AXIN2: variants seen among roughly 807,000 people sequenced by gnomAD.
AXIN2 encodes the protein axin 2.
In AXIN2, 21 loss-of-function variants were observed where a neutral mutation model predicts 74.7. The observed-to-expected ratio is 0.28, with a 90% CI of 0.20 to 0.40. The LOEUF (loss-of-function observed/expected upper bound fraction) is 0.40. AXIN2 is among the 10% of genes least tolerant of loss of function. The probability of loss-of-function intolerance (pLI) is 1.00; values close to 1 mark genes in which losing one functional copy is unlikely to be tolerated. For synonymous variants in AXIN2, 532 were observed against 454.9 expected, an observed-to-expected ratio of 1.17 and a Z score of -2.16; for missense variants, 1,144 against 1,111.1, an observed-to-expected ratio of 1.03 and a Z score of -0.42.
chr17:65,537,130 G>A (rs2144453259), intron 6 of AXIN2, 67 bp from the exon 7 acceptor site: 4 of 1,571,636 alleles, frequency 2.5e-6, no homozygotes, highest in Non-Finnish European at 3.4e-6. Flanking sequence ...CCTAGAATCA[G>A]ACAATTCAGC....
chr17:65,557,025 G>C (rs1473877355), intron 2 of AXIN2, among the ~76,000 whole-genome samples: 1 of 152,150 alleles, frequency 6.6e-6, no homozygotes, highest in South Asian at 2.1e-4. Flanking sequence ...ATTCTGCAAA[G>C]AACTATTTGT....
At chr17:65,540,942 C>T (rs1311485495) in intron 4 of AXIN2, among the ~76,000 whole-genome samples, 6 of 152,222 alleles carry the variant, frequency 3.9e-5, no homozygotes, top group South Asian at 2.1e-4. Context: ...AGTGCACTGG[C>T]GTTAGCTCAC....
Position 65,534,053 on chromosome 17 carries a change from C to A in AXIN2, c.2264G>T (p.Gly755Val), listed in dbSNP as rs981540341. ...EDHKEPKKLAGVHALQASELV... is the reference protein window; with the variant it reads ...EDHKEPKKLAVVHALQASELV... ...CTCACTGGCCTGGAGCGCGTGGACACCTGCCAGTTTCTTTGGCTCTTTGTG... is the reference window on the plus strand; with the variant it reads ...CTCACTGGCCTGGAGCGCGTGGACAACTGCCAGTTTCTTTGGCTCTTTGTG... The change falls in exon 10 of 11, where the codon GGT becomes GTT. Residue 755 changes from glycine to valine, a missense_variant. By Grantham distance (109) the Gly-to-Val change is moderately radical. This residue lies in a region of AXIN2 where 1,053 missense variants were observed against 973.5 expected (regional missense o/e 1.08). Transcript: ENST00000307078. The A allele has an allele frequency of 5.6e-6, 9 of 1,614,250 alleles. No homozygotes were observed. In the East Asian group the frequency reaches 2.0e-4, roughly 36 times the overall value.
At chr17:65,561,087 CCCCCG>C (rs1458115816) in intron 1 of AXIN2, 1 of 149,506 alleles carries the variant, frequency 6.7e-6, no homozygotes, top group African/African-American at 2.4e-5. Context: ...CGGGCCTCCG[CCCCCG>C]CCCGGCCCGG....
In AXIN2 at chr17:65,536,382, C is replaced by T. The variant is rs551098654; in HGVS notation, c.2079G>A (p.Thr693=). The T allele has an allele frequency of 4.3e-6, 7 of 1,613,602 alleles. No individual in the cohort carries two copies. Among genetic ancestry groups the T allele is most frequent in the South Asian group, 3.3e-5 (3 of 91,074 alleles). ...GACAGGCCTCCTCCAGCTGAGCCAGCGTGTTGGGTGGGGTCAGGGGAGGCA... is the reference window on the plus strand; with the variant it reads ...GACAGGCCTCCTCCAGCTGAGCCAGTGTGTTGGGTGGGGTCAGGGGAGGCA... ...PAMPPLTPPN[T]LAQLEEACRR... is the part of the protein sequence containing the mutation. Residue 693 remains threonine (T), a synonymous_variant, in exon 8 of 11, where the codon ACG becomes ACA. Transcript: ENST00000307078.
At chr17:65,546,221 G>A (rs28691649) in intron 3 of AXIN2, among the ~76,000 whole-genome samples, 1,938 of 152,242 alleles carry the variant, frequency 0.013, 48 homozygotes, top group African/African-American at 0.044. Flanking sequence ...AAAGGGGCCT[G>A]CTACCCTCTT....
At chr17:65,531,690 C>A (rs1188241995) in intron 10 of AXIN2, among the ~76,000 whole-genome samples, 1 of 152,080 alleles carries the variant, frequency 6.6e-6, no homozygotes, top group East Asian at 1.9e-4. Context: ...CTCAGCCCCA[C>A]CCCCAGGACT....
intron 2 of AXIN2, among the ~76,000 whole-genome samples, chr17:65,552,434 G>A (rs1316658681): frequency 6.6e-6 from 1 of 152,216 alleles, no homozygotes; most frequent in African/African-American, 2.4e-5. Context: ...GAAGCAGGAT[G>A]CACACGATGA....
chr17:65,533,666 G>A (rs2043859960), intron 10 of AXIN2, among the ~76,000 whole-genome samples: 1 of 152,170 alleles, frequency 6.6e-6, no homozygotes, highest in Non-Finnish European at 1.5e-5. Flanking sequence ...TTCACCTGGT[G>A]GAAAGAGCCT....
rs778252248 is a variant in AXIN2, at chr17:65,549,536, T to C, written c.940A>G (p.Met314Val). The C allele has an allele frequency of 3.7e-6, 6 of 1,612,600 alleles. No homozygotes were observed. Among genetic ancestry groups the C allele is most frequent in the Admixed American group, 3.3e-5 (2 of 59,838 alleles). The change falls in exon 3 of 11, where the codon ATG becomes GTG. Residue 314 changes from methionine to valine, a missense_variant. Around this residue, in one of 4 missense-constraint regions of AXIN2, gnomAD observed 1,053 missense variants for 973.5 expected, o/e 1.08. Coordinates refer to ENST00000307078, the MANE Select transcript of AXIN2 (RefSeq NM_004655.4). ...SDALTDDSMS[M>V]TDSSVDGIPP... is the part of the protein sequence containing the mutation. The stretch of plus-strand genomic sequence containing the variant: ...GATACTCACACACTGCTGTCCGTCA[T>C]GGACATGGAATCATCCGTCAGCGCA...
intron 7 of AXIN2, 36 bp downstream of exon 7, chr17:65,536,833 A>T (rs879012673): frequency 6.2e-7 from 1 of 1,611,738 alleles, no homozygotes; most frequent in Non-Finnish European, 8.5e-7. Flanking sequence ...AGTGCCCATG[A>T]CCCTCGCGGC....
chr17:65,559,180 G>A (rs983854895), intron 1 of AXIN2, among the ~76,000 whole-genome samples: 1 of 152,058 alleles, frequency 6.6e-6, no homozygotes, highest in African/African-American at 2.4e-5. Context: ...GTGTGCAGGT[G>A]AAACCAATTT....
rs766607261 is a variant in AXIN2 at position 65,541,526 on chromosome 17, T to C, written c.988A>G (p.Lys330Glu). The C allele has an allele frequency of 5.0e-6, 8 of 1,614,182 alleles. No individual in the cohort carries two copies. The highest frequency in any genetic ancestry group is 1.6e-4 in the Middle Eastern group (1 of 6,062). ...TGCATTTCTCTCTGGAGCTGTTTCT[T>C]ACTGCCCACACGATAAGGAGGAATT... ...DGIPPYRVGS[K>E]KQLQREMHRS... is the part of the protein sequence containing the mutation. Residue 330 changes from lysine (K) to glutamate (E), a missense_variant, in exon 4 of 11, where the codon AAG becomes GAG. This residue lies in a region of AXIN2 where 1,053 missense variants were observed against 973.5 expected (regional missense o/e 1.08). Coordinates refer to ENST00000307078, the MANE Select transcript of AXIN2 (RefSeq NM_004655.4).
intron 1 of AXIN2, among the ~76,000 whole-genome samples, chr17:65,559,797 C>T (rs888135274): frequency 3.9e-5 from 6 of 152,196 alleles, no homozygotes; most frequent in African/African-American, 1.4e-4. Flanking sequence ...GGGTGCAACC[C>T]CGGGCGAGAA....
At position 65,557,927 on chromosome 17, in the gene AXIN2, C is replaced by T. The variant is rs1598119131; in HGVS notation, c.694G>A (p.Glu232Lys). The change falls in exon 2 of 11, where the codon GAG (glutamate) becomes AAG (lysine). Residue 232 changes from glutamate (E) to lysine (K), a missense_variant. Transcript: ENST00000307078. ...TTGAAGTCGGCACAAGTCCACTCCT[C>T]TTCTTCATTCAAGGTGGGGAGATAG... ...CGYLPTLNEE[E>K]EWTCADFKCK... 6.2e-7 allele frequency: 1 copy of T among 1,614,228 alleles called. No individual in the cohort carries two copies. Among genetic ancestry groups the T allele is most frequent in the Non-Finnish European group, 8.5e-7 (1 of 1,180,038 alleles).
intron 1 of AXIN2, chr17:65,561,097 G>T (rs973549136): frequency 6.7e-6 from 1 of 149,634 alleles, no homozygotes; most frequent in Non-Finnish European, 1.5e-5. Flanking sequence ...CCCCCGCCCG[G>T]CCCGGCTTTC....
intron 3 of AXIN2, among the ~76,000 whole-genome samples, chr17:65,543,652 G>A (rs1472425162): frequency 6.6e-6 from 1 of 151,992 alleles, no homozygotes; most frequent in Non-Finnish European, 1.5e-5. Context: ...CTCCAGAACA[G>A]GCATCTGTAA....
chr17:65,530,127 T>A (rs1287381030), intron 10 of AXIN2, 25 bp from the exon 11 acceptor site: 1 of 1,613,782 alleles, frequency 6.2e-7, no homozygotes, highest in Middle Eastern at 1.7e-4. Context: ...CAAAAAAGCT[T>A]CTTGGTAAAC....
rs1457118923 is a variant in AXIN2, at chr17:65,528,596, A to G, written c.*1380T>C. ...AATATAAAATTTTAATAAAGGCTAC[A>G]TCTCTTAATTACAATAATTATTGTA... On this transcript the variant is annotated 3_prime_UTR_variant, in exon 11 of 11. Transcript: ENST00000307078. 4.2e-6 allele frequency: 2 copies of G among 481,784 alleles called. No homozygotes were observed. The highest frequency in any genetic ancestry group is 3.4e-5 in the South Asian group (2 of 58,006). The allele number at this position is 481,784 out of a possible 1,614,324, so 29.8% of individuals were successfully genotyped here. A position where few individuals can be genotyped will look rare whatever the true frequency, so the allele number is the denominator to read the frequency against.
Sources: gnomAD v4.1 joint callset for allele counts (sites outside exome capture counted in the v4.1 genomes callset) on GRCh38, gnomAD v4.1.1 for gene constraint, gnomAD v4.1.1 regional missense constraint, MANE v1.5 for transcripts, NCBI Gene and HGNC (gene_info 2026-07-23, HGNC 2026-07-21) for gene names.